The following MORF4L1 variants were observed in gnomAD, a reference collection of about 807,000 sequenced individuals.
The protein encoded by MORF4L1 is mortality factor 4 like 1.
Under a neutral mutation model 52.9 loss-of-function variants are expected in MORF4L1, and 4 were observed. The ratio of observed to expected loss-of-function variants is 0.08; its 90% confidence interval spans 0.04 to 0.17. MORF4L1 has a LOEUF of 0.17. Ranked by LOEUF, MORF4L1 falls within the 10% of genes least tolerant of loss-of-function variation. The pLI, the probability that MORF4L1 is intolerant of heterozygous loss-of-function variation, is 1.00. For missense variants in MORF4L1, 214 were observed against 390.4 expected (o/e 0.55, Z 3.81); for synonymous variants, 123 against 134.8 (o/e 0.91, Z 0.61).
At chr15:78,888,644 G>T (rs2056747619) in intron 5 of MORF4L1, among the ~76,000 whole-genome samples, 1 of 152,150 alleles carries the variant, frequency 6.6e-6, no homozygotes, top group African/African-American at 2.4e-5. Context: ...GGGAGGCTGA[G>T]GTGGGAGGGA....
intron 1 of MORF4L1, among the ~76,000 whole-genome samples, chr15:78,874,308 C>G (rs900028249): frequency 6.6e-6 from 1 of 152,124 alleles, no homozygotes; most frequent in South Asian, 2.1e-4. Context: ...AACCTCAAAC[C>G]GTAGTACTGC....
At chr15:78,893,184 A>G (rs1410247000) in intron 8 of MORF4L1, among the ~76,000 whole-genome samples, 2 of 152,230 alleles carry the variant, frequency 1.3e-5, no homozygotes, top group South Asian at 2.1e-4. Context: ...TAGTACCACA[A>G]AGGCACATTC....
intron 3 of MORF4L1, among the ~76,000 whole-genome samples, chr15:78,885,280 A>G (rs1429526565): frequency 6.6e-6 from 1 of 152,156 alleles, no homozygotes; most frequent in East Asian, 1.9e-4. Context: ...TCAGCAGGAG[A>G]AAAGATTTAC....
chr15:78,884,899 TAATA>T (rs1170323090), intron 3 of MORF4L1: 3 of 1,096,154 alleles, frequency 2.7e-6, no homozygotes, highest in Non-Finnish European at 3.9e-6. Flanking sequence ...AAATGAATCT[TAATA>T]AAGCTGAGGC....
intron 1 of MORF4L1, chr15:78,876,379 C>T (rs1431473372): frequency 5.7e-6 from 2 of 348,134 alleles, no homozygotes; most frequent in Non-Finnish European, 1.2e-5. Context: ...TTGCTTTGCA[C>T]TGGACTTGGT....
chr15:78,891,682 C>T, intron 7 of MORF4L1, 110 bp downstream of exon 7: 2 of 834,292 alleles, frequency 2.4e-6, no homozygotes, highest in South Asian at 2.0e-5. Flanking sequence ...ATGGTTAATA[C>T]CTGAAATTAA....
At chr15:78,883,894 A>C (rs547784744) in intron 3 of MORF4L1, among the ~76,000 whole-genome samples, 1 of 152,316 alleles carries the variant, frequency 6.6e-6, no homozygotes, top group South Asian at 2.1e-4. Context: ...GGAATTAGTC[A>C]CATTACCGTT....
At chr15:78,887,231 CTCATTTTATGTTGACAT>C in intron 4 of MORF4L1, 21 bp from the exon 5 acceptor site, 2 of 1,525,164 alleles carry the variant, frequency 1.3e-6, no homozygotes. Flanking sequence ...CACATAAATG[CTCATTTTATGTTGACAT>C]TACTGAAATT....
At chr15:78,886,286 A>T in intron 4 of MORF4L1, 59 bp downstream of exon 4, 1 of 1,407,580 alleles carries the variant, frequency 7.1e-7, no homozygotes, top group Non-Finnish European at 1.0e-6. Flanking sequence ...AATTCTGGAC[A>T]TGGAATGAAC....
chr15:78,883,796 A>C (rs1196743818), intron 3 of MORF4L1, among the ~76,000 whole-genome samples: 5 of 152,210 alleles, frequency 3.3e-5, no homozygotes, highest in Admixed American at 6.5e-5. Flanking sequence ...CTTTAAATTC[A>C]TTTTGAAAGG....
chr15:78,894,598 G>A, intron 10 of MORF4L1: 1 of 501,124 alleles, frequency 2.0e-6, no homozygotes, highest in Non-Finnish European at 3.6e-6. Flanking sequence ...CTGTAGAGAT[G>A]GGGTTTCACC....
chr15:78,894,780 C>T (rs1202271267), intron 10 of MORF4L1, 40 bp from the exon 11 acceptor site: 2 of 1,449,034 alleles, frequency 1.4e-6, no homozygotes, highest in Admixed American at 3.4e-5. Flanking sequence ...AGTGCCCCTG[C>T]CTTGGATGTA....
chr15:78,880,661 C>T (rs2056584883), intron 3 of MORF4L1, 82 bp downstream of exon 3: 1 of 1,029,622 alleles, frequency 9.7e-7, no homozygotes, highest in Non-Finnish European at 1.4e-6. Context: ...ATATGCTTTT[C>T]AATTCTGCAG....
At chr15:78,883,064 A>T (rs1460997141) in intron 3 of MORF4L1, among the ~76,000 whole-genome samples, 1 of 152,130 alleles carries the variant, frequency 6.6e-6, no homozygotes, top group Non-Finnish European at 1.5e-5. Flanking sequence ...AAAATAAAAA[A>T]ATTAGCCAGG....
chr15:78,888,281 A>T (rs971518842), intron 5 of MORF4L1, among the ~76,000 whole-genome samples: 4 of 151,936 alleles, frequency 2.6e-5, no homozygotes, highest in African/African-American at 9.7e-5. Context: ...CTTGGGCAAC[A>T]TCGGGAGCCT....
rs1449391703 is a variant in MORF4L1 at position 78,897,182 on chromosome 15, T to C, written c.*115T>C. 1.3e-6 allele frequency: 1 copy of C among 773,130 alleles called. No homozygotes were observed. Among genetic ancestry groups the C allele is most frequent in the Non-Finnish European group, 2.1e-6 (1 of 480,186 alleles). 47.9% of individuals were successfully genotyped at this position (773,130 alleles called of 1,614,324 possible). A position where few individuals can be genotyped will look rare whatever the true frequency, so the allele number is the denominator to read the frequency against. Reference sequence around the variant, plus strand: ...GTTAGTGTATAACAATTGATGTTTGTTTTCTGTTTGATTTTAAACAGAGAA... The same window carrying C: ...GTTAGTGTATAACAATTGATGTTTGCTTTCTGTTTGATTTTAAACAGAGAA... On this transcript the variant is annotated 3_prime_UTR_variant, in exon 12 of 12. Transcript: ENST00000426013.
intron 6 of MORF4L1, 147 bp downstream of exon 6, chr15:78,891,161 C>A: frequency 9.6e-7 from 1 of 1,043,242 alleles, no homozygotes; most frequent in Non-Finnish European, 1.4e-6. Context: ...AAAATAGGTA[C>A]ATGGTGGTAG....
intron 1 of MORF4L1, among the ~76,000 whole-genome samples, chr15:78,874,941 G>A (rs1470087185): frequency 6.6e-6 from 1 of 151,306 alleles, no homozygotes; most frequent in African/African-American, 2.4e-5. Context: ...CCTAAACCCC[G>A]AAAAAAACCA....
intron 3 of MORF4L1, among the ~76,000 whole-genome samples, chr15:78,881,225 C>CTTTTT (rs1276678613): frequency 1.4e-5 from 1 of 70,058 alleles, no homozygotes; most frequent in African/African-American, 5.9e-5. Flanking sequence ...TGGAGTTTTG[C>CTTTTT]TTTCGTTGCC....
Sources: allele counts gnomAD v4.1 joint callset (sites outside exome capture counted in the v4.1 genomes callset), GRCh38; gene constraint gnomAD v4.1.1; transcripts MANE v1.5; gene names NCBI Gene and HGNC (gene_info 2026-07-23, HGNC 2026-07-21).